The following ST6GALNAC1 variants were observed in gnomAD, a reference collection of about 807,000 sequenced individuals.
ST6GALNAC1 encodes the protein alpha-N-acetylgalactosaminide alpha-2,6-sialyltransferase 1.
In ST6GALNAC1, 45 loss-of-function variants were observed where a neutral mutation model predicts 56.8. That is an observed-to-expected ratio of 0.79 (90% confidence interval 0.62 to 1.02). ST6GALNAC1 has a LOEUF of 1.02. ST6GALNAC1 is among the 50% of genes least tolerant of loss of function. The pLI is 0.00. For missense variants in ST6GALNAC1, 743 were observed against 754.8 expected (o/e 0.98, Z 0.18); for synonymous variants, 295 against 297.8 (o/e 0.99, Z 0.10).
At position 76,627,690 on chromosome 17, in the gene ST6GALNAC1, C is replaced by T. The variant is rs1441970810; in HGVS notation, c.832-107G>A. On this transcript the variant is annotated intron_variant, in intron 2 of 8. Transcript: ENST00000156626. This position sits in a 1 kb window ranked among gnomAD's most constrained non-coding sequence, Gnocchi z 4.4. ...GGGGCTCGCAGTTTGGAAGGCGCGG[C>T]CTCTGCTACCTCTTCCATTCTGTTC... The T allele has an allele frequency of 2.5e-5, 23 of 938,724 alleles. No homozygotes were observed. The South Asian group carries it at 3.5e-4, about 14-fold the overall frequency. The allele number at this position is 938,724 out of a possible 1,614,324, so 58.1% of individuals were successfully genotyped here. A position where few individuals can be genotyped will look rare whatever the true frequency, so the allele number is the denominator to read the frequency against.
chr17:76,633,407 G>A (rs944304500), intron 1 of ST6GALNAC1, among the ~76,000 whole-genome samples: 1 of 152,194 alleles, frequency 6.6e-6, no homozygotes, highest in Non-Finnish European at 1.5e-5. Context: ...CTACTCGGGA[G>A]GCTGAGGCAG....
intron 1 of ST6GALNAC1, among the ~76,000 whole-genome samples, chr17:76,636,413 G>C (rs1206091220): frequency 2.6e-5 from 4 of 152,058 alleles, no homozygotes; most frequent in Non-Finnish European, 4.4e-5. Flanking sequence ...GAGAGAAGGA[G>C]GGATCTGTGA....
chr17:76,633,422 A>G (rs2075934669), intron 1 of ST6GALNAC1, among the ~76,000 whole-genome samples: 1 of 152,190 alleles, frequency 6.6e-6, no homozygotes, highest in African/African-American at 2.4e-5. Context: ...AGGCAGAAGA[A>G]TCGCTTGAAC....
intron 6 of ST6GALNAC1, 24 bp from the exon 7 acceptor site, chr17:76,626,119 A>C: frequency 6.2e-7 from 1 of 1,612,224 alleles, no homozygotes; most frequent in Non-Finnish European, 8.5e-7. Flanking sequence ...GGGGTCATTC[A>C]GACTCAGCTC....
Position 76,643,588 on chromosome 17 carries a change from C to G in ST6GALNAC1, c.51G>C (p.Trp17Cys). ...AGACCAGGACAGCCAGAAGCAAGGACCACTGGACGCCTTGGCTCAGGTGCC... is the reference window on the plus strand; with the variant it reads ...AGACCAGGACAGCCAGAAGCAAGGAGCACTGGACGCCTTGGCTCAGGTGCC... ...RCRHLSQGVQ[W>C]SLLLAVLVFF... The change falls in exon 1 of 9, where the codon TGG becomes TGC. Residue 17 changes from tryptophan (W) to cysteine (C), a missense_variant. Transcript: ENST00000156626. 2 of 1,614,150 alleles carry G rather than the reference C, an allele frequency of 1.2e-6. No individual in the cohort carries two copies. Among genetic ancestry groups the G allele is most frequent in the Non-Finnish European group, 1.7e-6 (2 of 1,179,992 alleles).
In ST6GALNAC1 at chr17:76,626,786, C is replaced by T. The variant is rs2075806065; in HGVS notation, c.1176G>A (p.Leu392=). The change falls in exon 5 of 9, where the codon TTG becomes TTA. Residue 392 remains leucine, a synonymous_variant. Transcript: ENST00000156626. The part of the protein sequence containing the change: ...EIDSHDYVFR[L]SGALIKGYEQ... The stretch of plus-strand genomic sequence containing the variant: ...CGTAGCCTTTAATGAGAGCTCCGCT[C>T]AATCTGTGCAGAAAGACACAATCAG... 1 of 1,613,782 alleles carries T rather than the reference C, an allele frequency of 6.2e-7. No individual in the cohort carries two copies. The highest frequency in any genetic ancestry group is 8.5e-7 in the Non-Finnish European group (1 of 1,180,038).
chr17:76,638,590 A>G (rs2076007186), intron 1 of ST6GALNAC1, among the ~76,000 whole-genome samples: 1 of 150,414 alleles, frequency 6.6e-6, no homozygotes, highest in South Asian at 2.1e-4. Context: ...GATTATTATT[A>G]TTTTTCTGAG....
chr17:76,631,047 A>G (rs2075888281), intron 1 of ST6GALNAC1, among the ~76,000 whole-genome samples: 1 of 146,680 alleles, frequency 6.8e-6, no homozygotes, highest in African/African-American at 2.5e-5. Flanking sequence ...GGCATGCACC[A>G]CCATGCCCAG....
intron 1 of ST6GALNAC1, among the ~76,000 whole-genome samples, chr17:76,634,029 GATT>G (rs2075943259): frequency 6.6e-6 from 1 of 152,202 alleles, no homozygotes; most frequent in Non-Finnish European, 1.5e-5. Context: ...ATGAGTAGAA[GATT>G]ATTTTATGGA....
chr17:76,637,205 C>T (rs1567961214), intron 1 of ST6GALNAC1, among the ~76,000 whole-genome samples: 1 of 145,954 alleles, frequency 6.9e-6, no homozygotes, highest in Non-Finnish European at 1.5e-5. Flanking sequence ...ACCTTCCCTC[C>T]ACTATTGTCC....
At position 76,629,731 on chromosome 17, in the gene ST6GALNAC1, T is replaced by G. The variant is rs1298466994; in HGVS notation, c.132-20A>C. ...TGATGCCTAGGGACAGAGATAACCTTTGATGAAGGCTGAAGATTGTGGAAA... is the reference window on the plus strand; with the variant it reads ...TGATGCCTAGGGACAGAGATAACCTGTGATGAAGGCTGAAGATTGTGGAAA... On this transcript the variant is annotated intron_variant, in intron 1 of 8. Transcript: ENST00000156626. The G allele has an allele frequency of 1.3e-6, 2 of 1,589,548 alleles. No individual in the cohort carries two copies. Among genetic ancestry groups the G allele is most frequent in the Non-Finnish European group, 1.7e-6 (2 of 1,161,660 alleles).
chr17:76,643,462 C>T (rs1392827626), intron 1 of ST6GALNAC1, 46 bp downstream of exon 1: 2 of 1,604,648 alleles, frequency 1.2e-6, no homozygotes, highest in Admixed American at 3.4e-5. Context: ...TTTTCTGTTT[C>T]CTCAAATGAA....
At chr17:76,642,922 C>CAAA (rs59053510) in intron 1 of ST6GALNAC1, among the ~76,000 whole-genome samples, 19 of 87,198 alleles carry the variant, frequency 2.2e-4, no homozygotes, top group African/African-American at 7.0e-4. Flanking sequence ...GACTCCGTCT[C>CAAA]AAAAAAAAAA....
At position 76,626,618 on chromosome 17, in the gene ST6GALNAC1, TG is replaced by T. The variant is rs368188271; in HGVS notation, c.1311+32del. 1,083 of 1,613,708 alleles carry T rather than the reference TG, an allele frequency of 6.7e-4. 12 individuals carry two copies. In the African/African-American group the frequency reaches 9.7e-3, roughly 14 times the overall value. On this transcript the variant is annotated intron_variant, in intron 5 of 8. Transcript: ENST00000156626. ...CTCCTGTGCTCCCTCATCCAGAGTC[TG>T]GGTGTGGCCAGGCTCCTTCCTCTTT... is the stretch of plus-strand genomic sequence containing the variant.
At position 76,629,012 on chromosome 17, in the gene ST6GALNAC1, C is replaced by A. The variant is rs779114104; in HGVS notation, c.831G>T (p.Thr277=). Residue 277 remains threonine, a splice_region_variant and synonymous_variant, in exon 2 of 9, where the codon ACG becomes ACT. Transcript: ENST00000156626. ...KYSFEIGGLQ[T]TCPDSVKIKA... is the part of the protein sequence containing the mutation. ...GGAAGGCGTGGTGGCAAAAACTCAC[C>A]GTCTGAAGGCCTCCTATTTCGAAGC... 7 of 1,522,138 alleles carry A rather than the reference C, an allele frequency of 4.6e-6. No homozygotes were observed. The South Asian group carries it at 9.3e-5, about 20-fold the overall frequency. The allele number at this position is 1,522,138 out of a possible 1,614,324, so 94.3% of individuals were successfully genotyped here. A position where few individuals can be genotyped will look rare whatever the true frequency, so the allele number is the denominator to read the frequency against.
Position 76,625,277 on chromosome 17 carries a change from C to T in ST6GALNAC1, c.*53G>A. On this transcript the variant is annotated 3_prime_UTR_variant, in exon 9 of 9. Coordinates refer to ENST00000156626, the MANE Select transcript of ST6GALNAC1 (RefSeq NM_018414.5). ...TGGCCAAAGAGTCTCAAGATTCCCA[C>T]TGTATCCTGTGCCTTGGAGCAGGCA... is the stretch of plus-strand genomic sequence containing the variant. 1 of 1,579,398 alleles carries T rather than the reference C, an allele frequency of 6.3e-7. No homozygotes were observed. Among genetic ancestry groups the T allele is most frequent in the South Asian group, 1.1e-5 (1 of 87,794 alleles).
At chr17:76,633,825 A>G (rs2075940800) in intron 1 of ST6GALNAC1, 1 of 152,186 alleles carries the variant, frequency 6.6e-6, no homozygotes, top group South Asian at 2.1e-4. Context: ...CCTGGAAGTG[A>G]AGAAATGGCA....
chr17:76,619,916 G>A (rs1315262597), downstream of ST6GALNAC1, among the ~76,000 whole-genome samples: 1 of 151,644 alleles, frequency 6.6e-6, no homozygotes, highest in African/African-American at 2.4e-5. Context: ...GCTAATTTTT[G>A]TATTTTTAGT....
chr17:76,624,552 C>T (rs544928479), downstream of ST6GALNAC1, among the ~76,000 whole-genome samples: 1 of 152,266 alleles, frequency 6.6e-6, no homozygotes, highest in East Asian at 1.9e-4. Flanking sequence ...CCACTTTATT[C>T]TGTTTAGAGT....
Sources: gnomAD v4.1 joint callset for allele counts (sites outside exome capture counted in the v4.1 genomes callset) on GRCh38, gnomAD v4.1.1 for gene constraint, Gnocchi (gnomAD v3.1) non-coding constraint, MANE v1.5 for transcripts, NCBI Gene and HGNC (gene_info 2026-07-23, HGNC 2026-07-21) for gene names.